Variants in MACROD1 observed in about 807,000 individuals in gnomAD.
MACROD1 encodes ADP-ribose glycohydrolase MACROD1.
In MACROD1, 31 loss-of-function variants were observed where a neutral mutation model predicts 41.4. The ratio of observed to expected loss-of-function variants is 0.75; its 90% confidence interval spans 0.56 to 1.01. MACROD1 has a LOEUF of 1.01. Among genes scored for constraint, MACROD1 ranks in the 50% least tolerant of loss-of-function variants. The pLI, the probability that MACROD1 is intolerant of heterozygous loss-of-function variation, is 0.00. For missense variants in MACROD1, 473 were observed against 460.0 expected, an observed-to-expected ratio of 1.03 and a Z score of -0.26; for synonymous variants, 252 against 203.4, an observed-to-expected ratio of 1.24 and a Z score of -2.03.
At position 64,112,609 on chromosome 11, in the gene MACROD1, T is replaced by TTATA. The variant is rs1487863939; in HGVS notation, c.517+38629_517+38630insTATA. Among the ~76,000 whole-genome samples the TTATA allele has an allele frequency of 3.6e-3, 550 of 151,984 alleles. 2 individuals carry two copies. Among genetic ancestry groups the TTATA allele is most frequent in the Non-Finnish European group, 5.9e-3 (401 of 67,962 alleles). On this transcript the variant is annotated intron_variant, in intron 3 of 10. Coordinates refer to ENST00000255681, the MANE Select transcript of MACROD1 (RefSeq NM_014067.4). Reference sequence around the variant, plus strand: ...TAGGCAAGCAAGGAACTGAGAGGAGTATCTGGGAGTTATAATTCTCGATAG... The same window carrying TTATA: ...TAGGCAAGCAAGGAACTGAGAGGAGTTATAATCTGGGAGTTATAATTCTCGATAG...
chr11:64,134,647 C>A (rs1447160892), intron 3 of MACROD1, among the ~76,000 whole-genome samples: 2 of 152,148 alleles, frequency 1.3e-5, no homozygotes, highest in African/African-American at 4.8e-5. Flanking sequence ...ACCTGCCTCC[C>A]CGGCTGCGCC....
At chr11:64,143,971 C>T (rs1457635258) in intron 3 of MACROD1, among the ~76,000 whole-genome samples, 1 of 152,064 alleles carries the variant, frequency 6.6e-6, no homozygotes, top group Non-Finnish European at 1.5e-5. Flanking sequence ...ATGAATGCAG[C>T]CTAGACCTAG....
At chr11:64,126,961 A>C (rs1310280456) in intron 3 of MACROD1, 1 of 152,174 alleles carries the variant, frequency 6.6e-6, no homozygotes, top group African/African-American at 2.4e-5. Context: ...GCCTGCTGCC[A>C]TGCGACCAGA....
At chr11:64,143,753 T>TACACACACACACACACACACACACAC (rs55995667) in intron 3 of MACROD1, among the ~76,000 whole-genome samples, 3 of 101,670 alleles carry the variant, frequency 3.0e-5, no homozygotes, top group Admixed American at 2.1e-4. Context: ...GACACACACA[T>TACACACACACACACACACACACACAC]ACACACACAC....
At chr11:64,013,035 C>A (rs926547497) in intron 4 of MACROD1, among the ~76,000 whole-genome samples, 1 of 151,240 alleles carries the variant, frequency 6.6e-6, no homozygotes, top group Non-Finnish European at 1.5e-5. Flanking sequence ...TTACTATGTT[C>A]CCCAGGCTGG....
At chr11:64,118,057 A>G in intron 3 of MACROD1, 1 of 1,613,494 alleles carries the variant, frequency 6.2e-7, no homozygotes, top group Non-Finnish European at 8.5e-7. Context: ...AGCAGGAAAA[A>G]GGATGACTAT....
intron 3 of MACROD1, among the ~76,000 whole-genome samples, chr11:64,041,593 G>A (rs1943488603): frequency 6.6e-6 from 1 of 152,036 alleles, no homozygotes; most frequent in South Asian, 2.1e-4. Context: ...ACAGATGAAT[G>A]AATGGAAAAA....
intron 3 of MACROD1, among the ~76,000 whole-genome samples, chr11:64,040,457 G>A (rs1415318689): frequency 1.3e-5 from 2 of 152,140 alleles, no homozygotes; most frequent in Non-Finnish European, 2.9e-5. Context: ...CTGTCTCCCT[G>A]GGTCTCTGTG....
In MACROD1 at chr11:64,067,228, C is replaced by T. The variant is rs1944021033; in HGVS notation, c.518-51947G>A. Among the ~76,000 whole-genome samples, 1 of 152,056 alleles carries T rather than the reference C, an allele frequency of 6.6e-6. No homozygotes were observed. The highest frequency in any genetic ancestry group is 1.5e-5 in the Non-Finnish European group (1 of 68,004). The stretch of plus-strand genomic sequence containing the variant: ...GGCAGATGGGAGGGGTGGGGAGAGG[C>T]CTTGCATGGCACCCACTCCCACCTG... On this transcript the variant is annotated intron_variant, in intron 3 of 10. Transcript: ENST00000255681. The surrounding 1 kb of genome is among the most constrained non-coding windows in gnomAD (Gnocchi z 4.6).
In MACROD1 at chr11:64,036,687, C is replaced by T. The variant is rs539075316; in HGVS notation, c.518-21406G>A. On this transcript the variant is annotated intron_variant, in intron 3 of 10. Transcript: ENST00000255681. The surrounding 1 kb of genome is among the most constrained non-coding windows in gnomAD (Gnocchi z 5.6). ...AAAACGACTTCAAGGGGGGCATGAG[C>T]AGCCTCCAACTTCCCTCCCTGTGCG... 6.6e-6 allele frequency among the ~76,000 whole-genome samples: 1 copy of T among 152,268 alleles called. No homozygotes were observed. The highest frequency in any genetic ancestry group is 1.9e-4 in the East Asian group (1 of 5,160).
At chr11:64,011,045 C>T (rs796254037) in intron 4 of MACROD1, among the ~76,000 whole-genome samples, 37 of 100,704 alleles carry the variant, frequency 3.7e-4, no homozygotes, top group South Asian at 2.3e-3. Context: ...TGTTGGCTGG[C>T]GTGTTGGCTG....
Position 64,090,795 on chromosome 11 carries a change from G to T in MACROD1, c.517+60444C>A, listed in dbSNP as rs1480019621. On this transcript the variant is annotated intron_variant, in intron 3 of 10. Transcript: ENST00000255681. The surrounding 1 kb of genome is among the most constrained non-coding windows in gnomAD (Gnocchi z 4.7). ...GGCGTCTCTCCACCAGGCACTTGGGGTTTGTCTCTGGGGCTCTGCAGAAGC... is the reference window on the plus strand; with the variant it reads ...GGCGTCTCTCCACCAGGCACTTGGGTTTTGTCTCTGGGGCTCTGCAGAAGC... 6.6e-6 allele frequency among the ~76,000 whole-genome samples: 1 copy of T among 152,004 alleles called. No individual in the cohort carries two copies. Among genetic ancestry groups the T allele is most frequent in the African/African-American group, 2.4e-5 (1 of 41,402 alleles).
intron 1 of MACROD1, among the ~76,000 whole-genome samples, chr11:64,162,375 C>T (rs932424363): frequency 5.9e-5 from 9 of 151,904 alleles, no homozygotes; most frequent in Non-Finnish European, 1.0e-4. Flanking sequence ...TGGTGATGCG[C>T]GCCTGTACTT....
chr11:64,067,499 G>A lies in MACROD1; in HGVS notation c.518-52218C>T, dbSNP rs910178278. On this transcript the variant is annotated intron_variant, in intron 3 of 10. Coordinates refer to ENST00000255681, the MANE Select transcript of MACROD1 (RefSeq NM_014067.4). The surrounding 1 kb of genome is among the most constrained non-coding windows in gnomAD (Gnocchi z 4.6). ...AGAAGGGAGGAGATAGGTCGGGGACGGGGACAGACGGCACCTCCCCAACTC... is the reference window on the plus strand; with the variant it reads ...AGAAGGGAGGAGATAGGTCGGGGACAGGGACAGACGGCACCTCCCCAACTC... Among the ~76,000 whole-genome samples, 5 of 152,192 alleles carry A rather than the reference G, an allele frequency of 3.3e-5. No homozygotes were observed. The highest frequency in any genetic ancestry group is 2.1e-4 in the South Asian group (1 of 4,820).
intron 8 of MACROD1, 115 bp from the exon 9 acceptor site, chr11:63,999,151 C>T: frequency 7.5e-7 from 1 of 1,324,520 alleles, no homozygotes; most frequent in Non-Finnish European, 1.0e-6. Context: ...TTCACGGAGG[C>T]TCACGGCTGT....
intron 3 of MACROD1, among the ~76,000 whole-genome samples, chr11:64,098,700 C>T (rs895397380): frequency 6.6e-6 from 1 of 152,192 alleles, no homozygotes; most frequent in Non-Finnish European, 1.5e-5. Flanking sequence ...GAAAGAAAAT[C>T]CTGGGTCTCC....
Position 64,086,836 on chromosome 11 carries a change from G to C in MACROD1, c.517+64403C>G, listed in dbSNP as rs1056658662. ...AACTAGCCCGTGACTTCCACAGGCG[G>C]TGCTAGGGGTGGCGGCTGGGGATGG... On this transcript the variant is annotated intron_variant, in intron 3 of 10. Transcript: ENST00000255681. 7 of 152,386 alleles carry C rather than the reference G, an allele frequency of 4.6e-5. 1 individual carries two copies. The highest frequency in any genetic ancestry group is 1.7e-4 in the African/African-American group (7 of 41,578). 9.4% of individuals were successfully genotyped at this position (152,386 alleles called of 1,614,324 possible).
At chr11:64,139,017 T>C (rs1381454329) in intron 3 of MACROD1, among the ~76,000 whole-genome samples, 11 of 152,204 alleles carry the variant, frequency 7.2e-5, no homozygotes, top group Admixed American at 7.2e-4. Context: ...TCCACCCACC[T>C]TGGCCTCCCA....
At chr11:64,141,407 T>C (rs971365674) in intron 3 of MACROD1, among the ~76,000 whole-genome samples, 9 of 152,304 alleles carry the variant, frequency 5.9e-5, no homozygotes, top group East Asian at 3.9e-4. Flanking sequence ...GGGGGCACTG[T>C]GGCCACCACG....
Sources: gnomAD v4.1 joint callset for allele counts (sites outside exome capture counted in the v4.1 genomes callset) on GRCh38, gnomAD v4.1.1 for gene constraint, Gnocchi (gnomAD v3.1) non-coding constraint, MANE v1.5 for transcripts, NCBI Gene and HGNC (gene_info 2026-07-23, HGNC 2026-07-21) for gene names.